RELN: variants seen among roughly 807,000 people sequenced by gnomAD.
RELN encodes the protein reelin.
RELN carries 108 observed loss-of-function variants against 427.6 expected under a neutral mutation model. The ratio of observed to expected loss-of-function variants is 0.25; its 90% CI spans 0.22 to 0.30. The LOEUF (loss-of-function observed/expected upper bound fraction) is 0.30, where lower values mean the gene tolerates loss of function less well. RELN is among the 10% of genes least tolerant of loss of function. RELN has a pLI of 1.00. For synonymous variants in RELN, 1,524 were observed against 1,513.4 expected (o/e 1.01, Z -0.16); for missense variants, 3,715 against 4,302.8 (o/e 0.86, Z 3.82).
chr7:103,489,145 A>G (rs1828554248), intron 60 of RELN, among the ~76,000 whole-genome samples: 1 of 152,090 alleles, frequency 6.6e-6, no homozygotes, highest in Non-Finnish European at 1.5e-5. Context: ...TGCCCTGGAT[A>G]TATACTCAAC....
intron 2 of RELN, among the ~76,000 whole-genome samples, chr7:103,881,491 C>T (rs975442347): frequency 3.9e-5 from 6 of 152,106 alleles, no homozygotes; most frequent in Admixed American, 3.9e-4. Context: ...TTTATTTCTG[C>T]ACCCCTTCTT....
intron 9 of RELN, among the ~76,000 whole-genome samples, chr7:103,698,543 T>A (rs1834026199): frequency 6.6e-6 from 1 of 152,196 alleles, no homozygotes; most frequent in Non-Finnish European, 1.5e-5. Context: ...AGACAGGGTC[T>A]TGCTCTGTCA....
chr7:103,636,563 T>A, intron 17 of RELN, 95 bp from the exon 18 acceptor site: 1 of 802,198 alleles, frequency 1.2e-6, no homozygotes, highest in East Asian at 2.7e-5. Flanking sequence ...GAGACTAGGA[T>A]TTGATTGAAT....
intron 3 of RELN, among the ~76,000 whole-genome samples, chr7:103,798,585 T>C (rs538847259): frequency 1.3e-5 from 2 of 152,250 alleles, no homozygotes; most frequent in African/African-American, 4.8e-5. Flanking sequence ...TATAGGATCT[T>C]AGGGGCCAGT....
intron 12 of RELN, among the ~76,000 whole-genome samples, chr7:103,661,089 T>C (rs981793193): frequency 6.6e-6 from 1 of 152,102 alleles, no homozygotes; most frequent in African/African-American, 2.4e-5. Context: ...TTATCTCTCA[T>C]TGTCTTTTCA....
chr7:103,641,136 C>T (rs1832686329), intron 16 of RELN, among the ~76,000 whole-genome samples: 1 of 152,062 alleles, frequency 6.6e-6, no homozygotes, highest in African/African-American at 2.4e-5. Flanking sequence ...GTTGAATGGT[C>T]GGTTCTGAGA....
At chr7:103,922,672 T>G (rs1339202873) in intron 1 of RELN, among the ~76,000 whole-genome samples, 1 of 152,190 alleles carries the variant, frequency 6.6e-6, no homozygotes, top group African/African-American at 2.4e-5. Flanking sequence ...TTATTATCTA[T>G]TATAGCTTCT....
intron 2 of RELN, among the ~76,000 whole-genome samples, chr7:103,896,052 A>C (rs1794952490): frequency 6.6e-6 from 1 of 152,114 alleles, no homozygotes; most frequent in African/African-American, 2.4e-5. Flanking sequence ...CCCTTGACAA[A>C]AGTGGCCATT....
chr7:103,478,750 A>G (rs1158709154), intron 63 of RELN, among the ~76,000 whole-genome samples: 4 of 152,206 alleles, frequency 2.6e-5, no homozygotes, highest in Non-Finnish European at 2.9e-5. Flanking sequence ...TTTACATTGT[A>G]AGAAATACTA....
At chr7:103,561,370 T>C (rs1281431453) in intron 36 of RELN, among the ~76,000 whole-genome samples, 162 bp downstream of exon 36, 1 of 152,140 alleles carries the variant, frequency 6.6e-6, no homozygotes, top group Non-Finnish European at 1.5e-5. Context: ...GAAAAAATGA[T>C]TGCACTCAGA....
rs968146584 is a variant in RELN at position 103,510,871 on chromosome 7, C to T, written c.8254G>A (p.Gly2752Ser). ...AVTHDLTPTE[G>S]WIMQFKISVG... ...TTCACCTTGAATTGCATAATCCAGC[C>T]TTCAGTGGGAGTCAGGTCATGGGTC... Residue 2752 changes from glycine to serine, a missense_variant, in exon 51 of 65, where the codon GGC becomes AGC. Physicochemically the swap from Gly to Ser is moderately conservative, Grantham distance 56. Coordinates refer to ENST00000428762, the MANE Select transcript of RELN (RefSeq NM_005045.4). 5 of 1,613,686 alleles carry T rather than the reference C, an allele frequency of 3.1e-6. No homozygotes were observed. Among genetic ancestry groups the T allele is most frequent in the Non-Finnish European group, 4.2e-6 (5 of 1,179,718 alleles).
At chr7:103,650,856 C>T (rs1339161068) in intron 15 of RELN, among the ~76,000 whole-genome samples, 1 of 152,086 alleles carries the variant, frequency 6.6e-6, no homozygotes, top group Non-Finnish European at 1.5e-5. Flanking sequence ...AACTTCTGAC[C>T]TCAAGAAATC....
intron 21 of RELN, 26 bp downstream of exon 21, chr7:103,611,585 A>G (rs1287347927): frequency 6.3e-7 from 1 of 1,594,922 alleles, no homozygotes; most frequent in African/African-American, 1.4e-5. Context: ...GTTACCTGTT[A>G]CAAGGTTTAA....
chr7:103,791,245 T>C (rs1188198789), intron 3 of RELN, among the ~76,000 whole-genome samples: 1 of 152,130 alleles, frequency 6.6e-6, no homozygotes, highest in African/African-American at 2.4e-5. Flanking sequence ...TTTCCAGAAA[T>C]TGATAGCTAA....
intron 3 of RELN, among the ~76,000 whole-genome samples, chr7:103,820,900 A>C (rs546770948): frequency 5.9e-5 from 9 of 152,148 alleles, no homozygotes; most frequent in Middle Eastern, 3.4e-3. Flanking sequence ...ACACACGTTT[A>C]ATTTTGAGAG....
chr7:103,930,255 C>T (rs978067464), intron 1 of RELN, among the ~76,000 whole-genome samples: 2 of 152,180 alleles, frequency 1.3e-5, no homozygotes, highest in African/African-American at 4.8e-5. Context: ...CTGCACATGT[C>T]TGTATCCACA....
chr7:103,707,394 T>C (rs1357055235), intron 8 of RELN, among the ~76,000 whole-genome samples: 1 of 152,182 alleles, frequency 6.6e-6, no homozygotes, highest in African/African-American at 2.4e-5. Context: ...ATGTGAAAAG[T>C]GTTAACCTGA....
At chr7:103,488,965 C>T (rs1828545548) in intron 60 of RELN, among the ~76,000 whole-genome samples, 1 of 152,126 alleles carries the variant, frequency 6.6e-6, no homozygotes, top group Admixed American at 6.5e-5. Context: ...TGCTATCGGC[C>T]AGGTATTAAG....
At chr7:103,951,306 A>G (rs1796326406) in intron 1 of RELN, among the ~76,000 whole-genome samples, 1 of 152,242 alleles carries the variant, frequency 6.6e-6, no homozygotes, top group African/African-American at 2.4e-5. Flanking sequence ...TCTTTGAATT[A>G]TATCAAAACA....
Sources: allele counts gnomAD v4.1 joint callset (sites outside exome capture counted in the v4.1 genomes callset), GRCh38; gene constraint gnomAD v4.1.1; transcripts MANE v1.5; gene names NCBI Gene and HGNC (gene_info 2026-07-23, HGNC 2026-07-21).